RBFOX1: variants seen among roughly 807,000 people sequenced by gnomAD.
The protein encoded by RBFOX1 is RNA binding fox-1 homolog 1.
In RBFOX1, 8 loss-of-function variants were observed where a neutral mutation model predicts 57.7. That is an observed-to-expected ratio of 0.14 (90% CI 0.08 to 0.25). RBFOX1 has a LOEUF of 0.25. RBFOX1 is among the 10% of genes least tolerant of loss of function. RBFOX1 has a pLI of 1.00. For missense variants in RBFOX1, 611 were observed against 548.5 expected (o/e 1.11, Z -1.14); for synonymous variants, 326 against 222.4 (o/e 1.47, Z -4.15).
intron 3 of RBFOX1, among the ~76,000 whole-genome samples, chr16:6,886,578 C>G (rs922285691): frequency 6.6e-6 from 1 of 151,718 alleles, no homozygotes; most frequent in African/African-American, 2.4e-5. Flanking sequence ...CATGGTGAAA[C>G]CATGTCTCTA....
chr16:5,636,220 T>C (rs2048681361), intron 3 of RBFOX1, among the ~76,000 whole-genome samples: 1 of 152,142 alleles, frequency 6.6e-6, no homozygotes, highest in African/African-American at 2.4e-5. Context: ...TGGTAGCAGA[T>C]GCCTGTAGTC....
At chr16:5,388,215 A>G (rs13332821) in intron 1 of RBFOX1, among the ~76,000 whole-genome samples, 6,357 of 152,278 alleles carry the variant, frequency 0.042, 202 homozygotes, top group Middle Eastern at 0.095. Flanking sequence ...GCACATTGGT[A>G]GAGGCAGCCA....
Position 7,414,142 on chromosome 16 carries a change from C to T in RBFOX1, c.28-104005C>T, listed in dbSNP as rs34198100. On this transcript the variant is annotated intron_variant, in intron 4 of 15. Coordinates refer to ENST00000550418, the MANE Select transcript of RBFOX1 (RefSeq NM_018723.4). ...TCAAGGGGTCTACAGACAATCCATT[C>T]ATTCGTTCTTCACTTAGTTATCCAA... Among the ~76,000 whole-genome samples the T allele has an allele frequency of 3.8e-3, 583 of 152,332 alleles. 1 individual carries two copies. Among genetic ancestry groups the T allele is most frequent in the African/African-American group, 0.013 (529 of 41,576 alleles).
chr16:6,935,592 C>T (rs1047729094), intron 3 of RBFOX1, among the ~76,000 whole-genome samples: 1 of 152,164 alleles, frequency 6.6e-6, no homozygotes, highest in Non-Finnish European at 1.5e-5. Context: ...AAATCTGTGA[C>T]CTATCCCCAT....
chr16:5,329,981 TCAAAAAAAAA>T (rs754798294), intron 1 of RBFOX1, among the ~76,000 whole-genome samples: 1 of 13,398 alleles, frequency 7.5e-5, no homozygotes, highest in Non-Finnish European at 3.2e-4. Flanking sequence ...AGACTCTGTC[TCAAAAAAAAA>T]AAAAAAAAAA....
intron 3 of RBFOX1, among the ~76,000 whole-genome samples, chr16:6,902,872 C>T (rs1020247819): frequency 1.3e-5 from 2 of 152,178 alleles, no homozygotes; most frequent in Non-Finnish European, 2.9e-5. Context: ...ATTGTTTCAT[C>T]AGACATTGAC....
In RBFOX1 at chr16:6,714,085, A is replaced by G. The variant is rs1329923484; in HGVS notation, c.-16+59435A>G. 2.0e-5 allele frequency among the ~76,000 whole-genome samples: 3 copies of G among 152,324 alleles called. No homozygotes were observed. The East Asian group carries it at 5.8e-4, about 29-fold the overall frequency. On this transcript the variant is annotated intron_variant, in intron 3 of 15. Transcript: ENST00000550418. ...GTTTCCCCCATGCCATTCTTGTGATAGTAAGTGAATTTTCACAAGATCTAA... is the reference window on the plus strand; with the variant it reads ...GTTTCCCCCATGCCATTCTTGTGATGGTAAGTGAATTTTCACAAGATCTAA...
chr16:5,892,624 T>G (rs2058072368), intron 4 of RBFOX1, among the ~76,000 whole-genome samples: 1 of 152,194 alleles, frequency 6.6e-6, no homozygotes, highest in Non-Finnish European at 1.5e-5. Flanking sequence ...GTGGAATGCA[T>G]CGCGGAATCT....
chr16:7,309,415 C>T (rs192098194), intron 4 of RBFOX1, among the ~76,000 whole-genome samples: 1 of 152,220 alleles, frequency 6.6e-6, no homozygotes, highest in African/African-American at 2.4e-5. Context: ...TTGTAAGCAT[C>T]TGTTCATCCA....
At chr16:6,881,168 A>C (rs1390266418) in intron 3 of RBFOX1, among the ~76,000 whole-genome samples, 2 of 152,180 alleles carry the variant, frequency 1.3e-5, no homozygotes, top group Admixed American at 1.3e-4. Flanking sequence ...GGCACACAAA[A>C]TGAAACCCAT....
chr16:6,320,436 A>T (rs1376497528), intron 2 of RBFOX1, among the ~76,000 whole-genome samples: 1 of 152,030 alleles, frequency 6.6e-6, no homozygotes, highest in Non-Finnish European at 1.5e-5. Context: ...AAAAATCGCC[A>T]CTAAAGAACT....
chr16:5,832,504 AG>A (rs1207855822), intron 3 of RBFOX1, among the ~76,000 whole-genome samples: 4 of 152,216 alleles, frequency 2.6e-5, no homozygotes, highest in Admixed American at 1.3e-4. Flanking sequence ...GGCTGTTTCA[AG>A]GGTTATTTTA....
chr16:5,935,746 G>C (rs1034836166), intron 4 of RBFOX1, among the ~76,000 whole-genome samples: 40 of 152,196 alleles, frequency 2.6e-4, no homozygotes, highest in African/African-American at 9.2e-4. Flanking sequence ...AAGACCAAGA[G>C]CCTGGTCTAC....
rs139454143 is a variant in RBFOX1, at chr16:6,835,258, C to G, written c.-16+180608C>G. The stretch of plus-strand genomic sequence containing the variant: ...AGTGAGCGCTGTGGACTAAGATCCA[C>G]AAACACAGCTGCTATGCGGGTTCCC... On this transcript the variant is annotated intron_variant, in intron 3 of 15. Transcript: ENST00000550418. 7.2e-3 allele frequency among the ~76,000 whole-genome samples: 1,095 copies of G among 152,264 alleles called. 8 individuals are homozygous for G. The highest frequency in any genetic ancestry group is 0.011 in the Non-Finnish European group (728 of 68,010).
intron 4 of RBFOX1, among the ~76,000 whole-genome samples, chr16:7,120,823 G>GTA (rs537281089): frequency 0.024 from 3,274 of 136,906 alleles, 118 homozygotes; most frequent in African/African-American, 0.075. Context: ...TTTTATATAT[G>GTA]TATATATACA....
intron 2 of RBFOX1, among the ~76,000 whole-genome samples, chr16:6,380,431 TTTTTTTTTTTTTTTTA>T: frequency 4.9e-5 from 3 of 60,776 alleles, no homozygotes; most frequent in African/African-American, 2.3e-4. Context: ...TTTTTTTTTT[TTTTTTTTTTTTTTTTA>T]GTAGAACTCA....
At chr16:6,976,380 C>T (rs1015673452) in intron 3 of RBFOX1, among the ~76,000 whole-genome samples, 1 of 152,048 alleles carries the variant, frequency 6.6e-6, no homozygotes, top group African/African-American at 2.4e-5. Context: ...ATACATGAAG[C>T]AAATATCATT....
intron 3 of RBFOX1, among the ~76,000 whole-genome samples, chr16:6,935,527 A>ATATC (rs2077218031): frequency 6.6e-6 from 1 of 152,194 alleles, no homozygotes; most frequent in African/African-American, 2.4e-5. Context: ...GGCAATAGAT[A>ATATC]ACTCACACTT....
chr16:5,939,442 G>A lies in RBFOX1; in HGVS notation c.351+72107G>A, dbSNP rs141071815. Among the ~76,000 whole-genome samples, 114 of 152,298 alleles carry A rather than the reference G, an allele frequency of 7.5e-4. 1 individual carries two copies. The East Asian group carries it at 9.9e-3, about 13-fold the overall frequency. On this transcript the variant is annotated intron_variant, in intron 4 of 19. Coordinates refer to the RBFOX1 transcript ENST00000641259. ...GGACTGGGAGAGCTACTCCCAAGAT[G>A]GCTCACACATGTGGCTTTTGGCAAA...
Sources: allele counts gnomAD v4.1 joint callset (sites outside exome capture counted in the v4.1 genomes callset), GRCh38; gene constraint gnomAD v4.1.1; transcripts MANE v1.5; gene names NCBI Gene and HGNC (gene_info 2026-07-23, HGNC 2026-07-21).